TLL2: variants seen among roughly 807,000 people sequenced by gnomAD.
TLL2 encodes tolloid-like protein 2.
TLL2 carries 106 observed loss-of-function variants against 123.0 expected under a neutral mutation model. The ratio of observed to expected loss-of-function variants is 0.86; its 90% CI spans 0.74 to 1.01. The LOEUF (loss-of-function observed/expected upper bound fraction) is 1.01. TLL2 is among the 50% of genes least tolerant of loss of function. The pLI, the probability that TLL2 is intolerant of heterozygous loss-of-function variation, is 0.00. For synonymous variants in TLL2, 494 were observed against 516.8 expected, an observed-to-expected ratio of 0.96 and a Z score of 0.60; for missense variants, 1,332 against 1,336.7, an observed-to-expected ratio of 1.00 and a Z score of 0.06.
At chr10:96,488,122 C>G (rs976317675) in intron 1 of TLL2, among the ~76,000 whole-genome samples, 1 of 152,208 alleles carries the variant, frequency 6.6e-6, no homozygotes, top group Non-Finnish European at 1.5e-5. Context: ...TGAGATAATG[C>G]GGATCCATGC....
At position 96,367,921 on chromosome 10, in the gene TLL2, C is replaced by T; in HGVS notation, c.*167G>A. The T allele has an allele frequency of 1.2e-6, 1 of 830,328 alleles. No individual in the cohort carries two copies. The highest frequency in any genetic ancestry group is 3.0e-5 in the Admixed American group (1 of 33,878). 51.4% of individuals were successfully genotyped at this position (830,328 alleles called of 1,614,324 possible). On this transcript the variant is annotated 3_prime_UTR_variant, in exon 21 of 21. Coordinates refer to ENST00000357947, the MANE Select transcript of TLL2 (RefSeq NM_012465.4). ...TTTTCTCTCCACCTTGTTGGCCAAA[C>T]TTACAAGACTTTCATTCAAATATAT...
chr10:96,456,978 C>T (rs187720530), intron 2 of TLL2, among the ~76,000 whole-genome samples: 315 of 152,316 alleles, frequency 2.1e-3, no homozygotes, highest in African/African-American at 7.0e-3. Flanking sequence ...GGAAACAACA[C>T]GTCCAATTTG....
intron 3 of TLL2, among the ~76,000 whole-genome samples, chr10:96,444,828 AAAAT>A (rs1311874053): frequency 1.3e-5 from 2 of 152,256 alleles, no homozygotes; most frequent in African/African-American, 2.4e-5. Context: ...GCTGAAACAC[AAAAT>A]AAATAATGAT....
intron 2 of TLL2, among the ~76,000 whole-genome samples, chr10:96,471,628 G>A (rs1029854420): frequency 1.2e-4 from 18 of 152,106 alleles, no homozygotes; most frequent in African/African-American, 4.1e-4. Context: ...TTTAATCCTC[G>A]CTGTGAGGCA....
rs1316510259 is a variant in TLL2 at position 96,513,716 on chromosome 10, G to A, written c.-31C>T. On this transcript the variant is annotated 5_prime_UTR_variant, in exon 1 of 21. Coordinates refer to ENST00000357947, the MANE Select transcript of TLL2 (RefSeq NM_012465.4). The stretch of plus-strand genomic sequence containing the variant: ...CGCGGGGCCGGCTGGGGCAGAGGGA[G>A]TTGCGTGCACGAAAGCTCAGCTCGG... 6 of 1,470,874 alleles carry A rather than the reference G, an allele frequency of 4.1e-6. No homozygotes were observed. The highest frequency in any genetic ancestry group is 5.4e-6 in the Non-Finnish European group (6 of 1,115,974). The allele number at this position is 1,470,874 out of a possible 1,614,324, so 91.1% of individuals were successfully genotyped here.
At chr10:96,513,365 C>G (rs982824278) in intron 1 of TLL2, 146 bp downstream of exon 1, 2 of 1,033,016 alleles carry the variant, frequency 1.9e-6, no homozygotes. Context: ...AGCAATTCCT[C>G]GGAGGCATTG....
chr10:96,401,419 T>C (rs1846393022), intron 10 of TLL2, among the ~76,000 whole-genome samples: 1 of 151,986 alleles, frequency 6.6e-6, no homozygotes, highest in Admixed American at 6.6e-5. Context: ...CACTAACAAC[T>C]GCATTTGGAA....
chr10:96,496,941 G>A (rs1847482299), intron 1 of TLL2, among the ~76,000 whole-genome samples: 1 of 152,086 alleles, frequency 6.6e-6, no homozygotes, highest in African/African-American at 2.4e-5. Flanking sequence ...AGTGGGGAGG[G>A]GGTTGCCTGT....
chr10:96,410,480 C>A lies in TLL2; in HGVS notation c.1049-6G>T. The A allele has an allele frequency of 1.9e-6, 3 of 1,610,690 alleles. No individual in the cohort carries two copies. Among genetic ancestry groups the A allele is most frequent in the Non-Finnish European group, 2.5e-6 (3 of 1,177,136 alleles). On this transcript the variant is annotated splice_polypyrimidine_tract_variant and splice_region_variant and intron_variant, in intron 8 of 20. Transcript: ENST00000357947. The stretch of plus-strand genomic sequence containing the variant: ...CTGCAGGGTCTCCCCACACGCTGCA[C>A]AAGCAAAATCACAACTGTGATGTGG...
chr10:96,441,580 T>A (rs1044558928), intron 3 of TLL2, among the ~76,000 whole-genome samples: 9 of 152,108 alleles, frequency 5.9e-5, no homozygotes, highest in African/African-American at 1.7e-4. Flanking sequence ...GATCAAGGGG[T>A]TTGGGGTCAG....
At chr10:96,504,127 T>C (rs1455106762) in intron 1 of TLL2, among the ~76,000 whole-genome samples, 1 of 151,904 alleles carries the variant, frequency 6.6e-6, no homozygotes, top group Admixed American at 6.6e-5. Flanking sequence ...CTCCTAGGGG[T>C]TGGGAGAAGC....
intron 19 of TLL2, among the ~76,000 whole-genome samples, chr10:96,372,442 C>T (rs1373874381): frequency 6.6e-6 from 1 of 152,174 alleles, no homozygotes; most frequent in African/African-American, 2.4e-5. Context: ...ATCAAAGGGT[C>T]AGATTTGCTT....
rs760713023 is a variant in TLL2, at chr10:96,513,645, A to G, written c.41T>C (p.Leu14Pro). The stretch of plus-strand genomic sequence containing the variant: ...GCCGCGAGGCAGCGGCAGCAGCAGC[A>G]GCAGTGACACCAGGGCCCCAAGTGC... ...ATALGALVSL[L>P]LLLPLPRGAG... The change falls in exon 1 of 21, where the codon CTG (leucine) becomes CCG (proline). Residue 14 changes from leucine (L) to proline (P), a missense_variant. Leu to Pro is a moderately conservative substitution (Grantham distance 98). Coordinates refer to ENST00000357947, the MANE Select transcript of TLL2 (RefSeq NM_012465.4). 4.4e-6 allele frequency: 7 copies of G among 1,591,064 alleles called. No homozygotes were observed. The highest frequency in any genetic ancestry group is 6.0e-6 in the Non-Finnish European group (7 of 1,174,956).
intron 7 of TLL2, 95 bp downstream of exon 7, chr10:96,420,861 T>C: frequency 4.7e-6 from 5 of 1,052,678 alleles, no homozygotes; most frequent in East Asian, 4.8e-5. Flanking sequence ...GCTAGAAGCA[T>C]GCAGAGACCC....
At position 96,402,558 on chromosome 10, in the gene TLL2, G is replaced by A. The variant is rs181489832; in HGVS notation, c.1267+2674C>T. 7.4e-3 allele frequency among the ~76,000 whole-genome samples: 1,134 copies of A among 152,280 alleles called. 8 individuals carry two copies. Among genetic ancestry groups the A allele is most frequent in the South Asian group, 0.014 (67 of 4,826 alleles). On this transcript the variant is annotated intron_variant, in intron 10 of 20. Transcript: ENST00000357947. ...ACCCTCCTTCTGGCTGCTAGAGAGC[G>A]CCATGCCTGCTCATAGTAGGCAGGA...
intron 8 of TLL2, 21 bp downstream of exon 8, chr10:96,413,171 G>A: frequency 6.2e-7 from 1 of 1,612,920 alleles, no homozygotes; most frequent in Non-Finnish European, 8.5e-7. Context: ...GGTGCTGGCA[G>A]TCCCCACGGC....
At chr10:96,395,089 T>G in intron 13 of TLL2, 98 bp downstream of exon 13, 1 of 1,297,196 alleles carries the variant, frequency 7.7e-7, no homozygotes, top group Non-Finnish European at 1.1e-6. Context: ...GGGAGCCTTG[T>G]TTGGTGGTAA....
At chr10:96,408,151 C>T (rs1846468873) in intron 9 of TLL2, among the ~76,000 whole-genome samples, 1 of 152,212 alleles carries the variant, frequency 6.6e-6, no homozygotes, top group Admixed American at 6.5e-5. Flanking sequence ...CACCTGTAAG[C>T]TGGTTGCACA....
chr10:96,365,849 C>T lies in TLL2; in HGVS notation c.*2239G>A, dbSNP rs1846020349. Reference sequence around the variant, plus strand: ...AAATAAAGGTTTTTCATAAGAGTCCCATTGTTGCAAATTGGCCATATGGTG... The same window carrying T: ...AAATAAAGGTTTTTCATAAGAGTCCTATTGTTGCAAATTGGCCATATGGTG... On this transcript the variant is annotated 3_prime_UTR_variant, in exon 21 of 21. Coordinates refer to ENST00000357947, the MANE Select transcript of TLL2 (RefSeq NM_012465.4). 6.6e-6 allele frequency: 1 copy of T among 152,200 alleles called. No homozygotes were observed. Among genetic ancestry groups the T allele is most frequent in the Admixed American group, 6.5e-5 (1 of 15,276 alleles). 9.4% of individuals were successfully genotyped at this position (152,200 alleles called of 1,614,324 possible).
Sources: gnomAD v4.1 joint callset for allele counts (sites outside exome capture counted in the v4.1 genomes callset) on GRCh38, gnomAD v4.1.1 for gene constraint, MANE v1.5 for transcripts, NCBI Gene and HGNC (gene_info 2026-07-23, HGNC 2026-07-21) for gene names.